The following DNAH11 variants were observed in gnomAD, a reference collection of about 807,000 sequenced individuals.
The protein encoded by DNAH11 is dynein axonemal heavy chain 11.
In DNAH11, 442 loss-of-function variants were observed where a neutral mutation model predicts 526.0. The ratio of observed to expected loss-of-function variants is 0.84; its 90% CI spans 0.78 to 0.91. The LOEUF (loss-of-function observed/expected upper bound fraction) is 0.91. Ranked by LOEUF, DNAH11 falls within the 40% of genes least tolerant of loss-of-function variation. The pLI is 0.00. For synonymous variants in DNAH11, 2,461 were observed against 1,935.9 expected (o/e 1.27, Z -7.12); for missense variants, 6,989 against 5,448.7 (o/e 1.28, Z -8.90).
intron 80 of DNAH11, 57 bp from the exon 81 acceptor site, chr7:21,899,923 C>T (rs1483406585): frequency 3.8e-6 from 6 of 1,586,418 alleles, no homozygotes; most frequent in South Asian, 1.2e-5. Flanking sequence ...CTGGTAGCTC[C>T]CGGGAACCTT....
chr7:21,757,237 A>G (rs550913021), intron 54 of DNAH11, among the ~76,000 whole-genome samples: 2 of 152,344 alleles, frequency 1.3e-5, no homozygotes, highest in South Asian at 4.1e-4. Flanking sequence ...TTTCTGAACA[A>G]CATTTAAAAC....
intron 66 of DNAH11, among the ~76,000 whole-genome samples, chr7:21,846,772 T>C (rs950023373): frequency 1.3e-5 from 2 of 152,106 alleles, no homozygotes; most frequent in African/African-American, 2.4e-5. Context: ...CTAGAAAAAA[T>C]GTAGAGAATT....
At chr7:21,885,787 C>A (rs1369054049) in intron 76 of DNAH11, among the ~76,000 whole-genome samples, 1 of 152,130 alleles carries the variant, frequency 6.6e-6, no homozygotes, top group Non-Finnish European at 1.5e-5. Context: ...GAACCTCATT[C>A]TTCCTTCTCT....
chr7:21,848,886 C>G (rs1018043247), intron 66 of DNAH11, among the ~76,000 whole-genome samples: 1 of 151,958 alleles, frequency 6.6e-6, no homozygotes, highest in African/African-American at 2.4e-5. Context: ...ACTCCATTTT[C>G]TTTTTTCTTT....
chr7:21,852,651 C>T lies in DNAH11; in HGVS notation c.11061+20C>T, dbSNP rs1046243588. The T allele has an allele frequency of 1.3e-6, 2 of 1,554,556 alleles. No homozygotes were observed. Among genetic ancestry groups the T allele is most frequent in the Non-Finnish European group, 8.7e-7 (1 of 1,154,588 alleles). ...CACAAGGTAGGAAGGGCAGAGGGTG[C>T]CTGGCAGATTCTAATGCTCTGTTCG... On this transcript the variant is annotated intron_variant, in intron 67 of 81. Transcript: ENST00000409508.
At chr7:21,735,916 G>A in intron 46 of DNAH11, 72 bp downstream of exon 46, 4 of 1,353,566 alleles carry the variant, frequency 3.0e-6, no homozygotes, top group Non-Finnish European at 4.0e-6. Context: ...CAGCCCAAAA[G>A]ACTAATAATG....
intron 76 of DNAH11, among the ~76,000 whole-genome samples, chr7:21,885,931 T>C (rs538432132): frequency 1.3e-5 from 2 of 152,300 alleles, no homozygotes; most frequent in Admixed American, 1.3e-4. Context: ...CTGGAAAAAG[T>C]ACTCCATTTT....
intron 61 of DNAH11, among the ~76,000 whole-genome samples, chr7:21,791,865 T>C (rs1788492974): frequency 6.6e-6 from 1 of 152,212 alleles, no homozygotes; most frequent in African/African-American, 2.4e-5. Flanking sequence ...TGTGTTAGTC[T>C]GTTCTCACAT....
chr7:21,772,860 TG>T lies in DNAH11; in HGVS notation c.9103-905del, dbSNP rs551743279. Among the ~76,000 whole-genome samples the T allele has an allele frequency of 5.8e-4, 88 of 152,274 alleles. 1 individual carries two copies. The highest frequency in any genetic ancestry group is 2.0e-3 in the African/African-American group (83 of 41,550). On this transcript the variant is annotated intron_variant, in intron 55 of 81. Transcript: ENST00000409508. ...GCTGGTCTCTCTTCACACCTCTGCTTGTAATATTAATGGTGCAGGTTTGAAA... is the reference window on the plus strand; with the variant it reads ...GCTGGTCTCTCTTCACACCTCTGCTTTAATATTAATGGTGCAGGTTTGAAA...
At chr7:21,658,420 G>A (rs1432970219) in intron 29 of DNAH11, among the ~76,000 whole-genome samples, 1 of 152,140 alleles carries the variant, frequency 6.6e-6, no homozygotes, top group African/African-American at 2.4e-5. Context: ...CTCTATAGGT[G>A]TCTGTGATGT....
chr7:21,571,890 G>A lies in DNAH11; in HGVS notation c.1510G>A (p.Val504Ile). ...CAAAGGAGCAATTTTAAATGGACAAGTCCACGAGATGAGTGAAGAACTTAT... is the reference window on the plus strand; with the variant it reads ...CAAAGGAGCAATTTTAAATGGACAAATCCACGAGATGAGTGAAGAACTTAT... Reference protein sequence around the residue: ...GTKGAILNGQVHEMSEELMEL... With the variant: ...GTKGAILNGQIHEMSEELMEL... The change falls in exon 8 of 82, where the codon GTC becomes ATC. Residue 504 changes from valine (V) to isoleucine (I), a missense_variant. By Grantham distance (29) the Val-to-Ile change is conservative. Coordinates refer to ENST00000409508, the MANE Select transcript of DNAH11 (RefSeq NM_001277115.2). The A allele has an allele frequency of 6.2e-7, 1 of 1,613,066 alleles. No homozygotes were observed. The highest frequency in any genetic ancestry group is 8.5e-7 in the Non-Finnish European group (1 of 1,179,512).
intron 76 of DNAH11, among the ~76,000 whole-genome samples, chr7:21,890,681 T>C (rs140251394): frequency 6.6e-6 from 1 of 152,342 alleles, no homozygotes; most frequent in Non-Finnish European, 1.5e-5. Context: ...AGACTAATAA[T>C]AATGAGTTTA....
chr7:21,687,875 C>T (rs1482073829), intron 34 of DNAH11, among the ~76,000 whole-genome samples: 4 of 152,098 alleles, frequency 2.6e-5, no homozygotes, highest in African/African-American at 7.2e-5. Flanking sequence ...GGCAATATAG[C>T]GAGACCTGGT....
intron 66 of DNAH11, among the ~76,000 whole-genome samples, chr7:21,845,148 A>G (rs1782371289): frequency 6.6e-6 from 1 of 152,162 alleles, no homozygotes; most frequent in Non-Finnish European, 1.5e-5. Flanking sequence ...TGTGACTTAT[A>G]AAAATTTTCT....
intron 76 of DNAH11, among the ~76,000 whole-genome samples, chr7:21,884,816 G>A (rs1283560028): frequency 1.3e-5 from 2 of 152,178 alleles, no homozygotes; most frequent in Non-Finnish European, 2.9e-5. Context: ...TTTGATAGAA[G>A]TCTTTTGATT....
intron 72 of DNAH11, 73 bp from the exon 73 acceptor site, chr7:21,868,791 G>T (rs1319730332): frequency 6.3e-7 from 1 of 1,587,690 alleles, no homozygotes; most frequent in Admixed American, 1.7e-5. Context: ...ATGTGCATTA[G>T]ACCACAGAAT....
intron 74 of DNAH11, among the ~76,000 whole-genome samples, chr7:21,876,614 T>C (rs1783722202): frequency 6.6e-6 from 1 of 152,262 alleles, no homozygotes; most frequent in African/African-American, 2.4e-5. Flanking sequence ...TCAGAAGTCA[T>C]GTGTTACCAC....
intron 55 of DNAH11, among the ~76,000 whole-genome samples, chr7:21,770,033 A>T (rs1291404023): frequency 6.6e-6 from 1 of 152,204 alleles, no homozygotes; most frequent in Non-Finnish European, 1.5e-5. Context: ...AAAACAGCAT[A>T]CAATTTAGAA....
Position 21,564,372 on chromosome 7 carries a change from A to G in DNAH11, c.1169A>G (p.Glu390Gly). Residue 390 changes from glutamate to glycine, a missense_variant, in exon 6 of 82, where the codon GAG (glutamate) becomes GGG (glycine). Coordinates refer to ENST00000409508, the MANE Select transcript of DNAH11 (RefSeq NM_001277115.2). ...GCTCGGGTTATAGTTTTATTGCAAG[A>G]GTTTTGTAATCTCTTCATTAACCAG... ...TPARVIVLLQEFCNLFINQAT... is the reference protein window; with the variant it reads ...TPARVIVLLQGFCNLFINQAT... 6.2e-7 allele frequency: 1 copy of G among 1,613,022 alleles called. No individual in the cohort carries two copies. Among genetic ancestry groups the G allele is most frequent in the Non-Finnish European group, 8.5e-7 (1 of 1,179,536 alleles).
Sources: allele counts gnomAD v4.1 joint callset (sites outside exome capture counted in the v4.1 genomes callset), GRCh38; gene constraint gnomAD v4.1.1; transcripts MANE v1.5; gene names NCBI Gene and HGNC (gene_info 2026-07-23, HGNC 2026-07-21).